Variants in TBC1D25 observed in about 807,000 individuals in gnomAD.
TBC1D25 encodes TBC1 domain family member 25, also known as 5SN3 snoRNA.
Under a neutral mutation model 38.8 loss-of-function variants are expected in TBC1D25, and 13 were observed. That is an observed-to-expected ratio of 0.34 (90% confidence interval 0.22 to 0.53). The LOEUF (loss-of-function observed/expected upper bound fraction) is 0.53, where lower values mean the gene tolerates loss of function less well. Ranked by LOEUF, TBC1D25 falls within the 20% of genes least tolerant of loss-of-function variation. TBC1D25 has a pLI of 0.94. For synonymous variants in TBC1D25, 225 were observed against 255.6 expected (o/e 0.88, Z 1.14); for missense variants, 372 against 600.0 (o/e 0.62, Z 3.97).
At chrX:48,541,236 TG>T in intron 1 of TBC1D25, 96 bp from the exon 2 acceptor site, 1 of 734,135 alleles carries the variant, frequency 1.4e-6, no homozygotes, top group South Asian at 2.1e-5. Flanking sequence ...ATCTGGCCCC[TG>T]GCACCTCTCT....
Position 48,559,768 on chromosome X carries a change from C to G in TBC1D25, c.860C>G (p.Thr287Arg). Reference sequence around the variant, plus strand: ...GAGGACCTGGAATTCATCCGCAGCACGGTCCTCAAGGATGTACTGCGCACT... The same window carrying G: ...GAGGACCTGGAATTCATCCGCAGCAGGGTCCTCAAGGATGTACTGCGCACT... ...NPEDLEFIRS[T>R]VLKDVLRTDR... The change falls in exon 6 of 6, where the codon ACG (threonine) becomes AGG (arginine). Residue 287 changes from threonine (T) to arginine (R), a missense_variant. Physicochemically the swap from Thr to Arg is moderately conservative, Grantham distance 71 (BLOSUM62 -1). Around this residue, in one of 2 missense-constraint regions of TBC1D25, gnomAD observed 312 missense variants for 549.3 expected, o/e 0.57. Coordinates refer to ENST00000376771, the MANE Select transcript of TBC1D25 (RefSeq NM_002536.4). 1 of 1,211,995 alleles carries G rather than the reference C, an allele frequency of 8.3e-7. No individual in the cohort carries two copies. The highest frequency in any genetic ancestry group is 1.1e-6 in the Non-Finnish European group (1 of 895,522).
In TBC1D25 at chrX:48,560,690, A is replaced by T; in HGVS notation, c.1782A>T (p.Gly594=). 1 of 1,211,761 alleles carries T rather than the reference A, an allele frequency of 8.3e-7. No homozygotes were observed. The highest frequency in any genetic ancestry group is 1.7e-5 in the African/African-American group (1 of 57,798). Reference sequence around the variant, plus strand: ...AGGTAGGCTCCCCGAAAGACCCTGGAAAGTCCCTGCCACCTGTACCACCAA... The same window carrying T: ...AGGTAGGCTCCCCGAAAGACCCTGGTAAGTCCCTGCCACCTGTACCACCAA... ...MQEVGSPKDP[G]KSLPPVPPMG... Residue 594 remains glycine (G), a synonymous_variant, in exon 6 of 6, where the codon GGA becomes GGT. Transcript: ENST00000376771.
At chrX:48,545,719 G>A (rs1176824778) in intron 3 of TBC1D25, among the ~76,000 whole-genome samples, 2 of 112,072 alleles carry the variant, frequency 1.8e-5, no homozygotes, top group African/African-American at 6.5e-5. Flanking sequence ...TGTCTTAGTC[G>A]TTTTGTGCTA....
At chrX:48,558,847 G>GGTCT in intron 3 of TBC1D25, 50 bp from the exon 4 acceptor site, 1 of 1,203,930 alleles carries the variant, frequency 8.3e-7, no homozygotes, top group South Asian at 1.8e-5. Context: ...CCGGCCCTGA[G>GGTCT]GTCTGGGTTA....
chrX:48,554,113 G>A (rs1246216072), intron 3 of TBC1D25, among the ~76,000 whole-genome samples: 1 of 109,135 alleles, frequency 9.2e-6, no homozygotes, highest in East Asian at 3.0e-4. Context: ...CCCGGGAGGC[G>A]GAGGTTGCAG....
chrX:48,550,920 A>C (rs1267961050), intron 3 of TBC1D25, among the ~76,000 whole-genome samples: 1 of 111,108 alleles, frequency 9.0e-6, no homozygotes, highest in Non-Finnish European at 1.9e-5. Flanking sequence ...CGGCCTCCCA[A>C]AGTGCTGAGA....
chrX:48,540,865 T>C (rs781990325), intron 1 of TBC1D25, among the ~76,000 whole-genome samples: 1 of 112,060 alleles, frequency 8.9e-6, no homozygotes, highest in South Asian at 3.7e-4. Flanking sequence ...GGAGGGATGT[T>C]CCAGACAGGG....
rs1400070381 is a variant in TBC1D25, at chrX:48,559,754, A to C, written c.846A>C (p.Glu282Asp). Reference protein sequence around the residue: ...WAQRANPEDLEFIRSTVLKDV... With the variant: ...WAQRANPEDLDFIRSTVLKDV... ...AGCGAGCGAACCCTGAGGACCTGGAATTCATCCGCAGCACGGTCCTCAAGG... is the reference window on the plus strand; with the variant it reads ...AGCGAGCGAACCCTGAGGACCTGGACTTCATCCGCAGCACGGTCCTCAAGG... Residue 282 changes from glutamate to aspartate, a missense_variant, in exon 6 of 6, where the codon GAA (glutamate) becomes GAC (aspartate). By Grantham distance (45) the Glu-to-Asp change is conservative. Coordinates refer to ENST00000376771, the MANE Select transcript of TBC1D25 (RefSeq NM_002536.4). The C allele has an allele frequency of 1.7e-6, 2 of 1,210,338 alleles. No homozygotes were observed. Among genetic ancestry groups the C allele is most frequent in the African/African-American group, 3.5e-5 (2 of 57,248 alleles).
Position 48,560,645 on chromosome X carries a change from AGG to A in TBC1D25, c.1738_1739del (p.Gly580IlefsTer61). On this transcript the variant is annotated frameshift_variant, in exon 6 of 6. Coordinates refer to ENST00000376771, the MANE Select transcript of TBC1D25 (RefSeq NM_002536.4). LOFTEE classifies it high-confidence loss of function. ...CCTCTCCCACTGGTGATATGGCTGT[AGG>A]ATCCCCCTTGATGCAAGAGGTAGGC... The part of the protein sequence containing the change: ...EASPTGDMAV[G>X]SPLMQEVGSP... The A allele has an allele frequency of 8.3e-7, 1 of 1,211,227 alleles. No individual in the cohort carries two copies. The highest frequency in any genetic ancestry group is 1.1e-6 in the Non-Finnish European group (1 of 895,233).
Position 48,558,955 on chromosome X carries a change from G to A in TBC1D25, c.447G>A (p.Val149=), listed in dbSNP as rs906826964. 7 of 1,209,797 alleles carry A rather than the reference G, an allele frequency of 5.8e-6. No individual in the cohort carries two copies. In the Admixed American group the frequency reaches 8.8e-5, roughly 15 times the overall value. ...ISPKDVIGSD[V]LLAEKRSSLT... Reference sequence around the variant, plus strand: ...CCAAAGATGTCATTGGCTCCGACGTGTTGCTGGCTGAGAAACGGTCATCAC... The same window carrying A: ...CCAAAGATGTCATTGGCTCCGACGTATTGCTGGCTGAGAAACGGTCATCAC... The change falls in exon 4 of 6, where the codon GTG becomes GTA. Residue 149 remains valine (V), a synonymous_variant. Coordinates refer to ENST00000376771, the MANE Select transcript of TBC1D25 (RefSeq NM_002536.4).
intron 1 of TBC1D25, 46 bp downstream of exon 1, chrX:48,539,966 G>A (rs1011484429): frequency 5.3e-5 from 50 of 943,356 alleles, no homozygotes; most frequent in Middle Eastern, 5.8e-4. Flanking sequence ...CATCCCAGGG[G>A]AGGGGGAGGC....
Position 48,561,125 on chromosome X carries a change from G to T in TBC1D25, c.*150G>T. The T allele has an allele frequency of 1.5e-6, 1 of 659,353 alleles. No homozygotes were observed. The highest frequency in any genetic ancestry group is 2.2e-6 in the Non-Finnish European group (1 of 455,590). The allele number at this position is 659,353 out of a possible 1,213,427, so 54.3% of individuals were successfully genotyped here. A position where few individuals can be genotyped will look rare whatever the true frequency, so the allele number is the denominator to read the frequency against. On this transcript the variant is annotated 3_prime_UTR_variant, in exon 6 of 6. Coordinates refer to ENST00000376771, the MANE Select transcript of TBC1D25 (RefSeq NM_002536.4). ...TCCTCCCCAGGCCTAAGTATGTGGA[G>T]CTCTGCTTTGGCACTGCCCCGCAGA...
intron 3 of TBC1D25, among the ~76,000 whole-genome samples, chrX:48,549,960 T>C (rs2061916096): frequency 9.0e-6 from 1 of 110,841 alleles, no homozygotes; most frequent in Non-Finnish European, 1.9e-5. Flanking sequence ...ATCAAGATAG[T>C]CAATTATGCC....
At chrX:48,551,726 C>T (rs1439508653) in intron 3 of TBC1D25, among the ~76,000 whole-genome samples, 3 of 109,077 alleles carry the variant, frequency 2.8e-5, no homozygotes, top group South Asian at 3.9e-4. Context: ...CAGGTTCAAG[C>T]GATTCTCCTT....
At chrX:48,554,221 C>T (rs940572754) in intron 3 of TBC1D25, among the ~76,000 whole-genome samples, 9 of 107,003 alleles carry the variant, frequency 8.4e-5, no homozygotes, top group African/African-American at 3.4e-5. Flanking sequence ...TGAGCCATTG[C>T]GCCCAGTCTA....
intron 2 of TBC1D25, among the ~76,000 whole-genome samples, chrX:48,544,195 T>G (rs1556981042): frequency 8.9e-6 from 1 of 112,153 alleles, no homozygotes; most frequent in Non-Finnish European, 1.9e-5. Context: ...TTAGTTGTTA[T>G]TAGACTTTCT....
chrX:48,555,892 A>G (rs2061971039), intron 3 of TBC1D25, among the ~76,000 whole-genome samples: 1 of 109,434 alleles, frequency 9.1e-6, no homozygotes, highest in Non-Finnish European at 1.9e-5. Flanking sequence ...ATCTCAGTGT[A>G]GCAAAGAGTA....
At chrX:48,548,696 G>A (rs1556982470) in intron 3 of TBC1D25, among the ~76,000 whole-genome samples, 1 of 111,233 alleles carries the variant, frequency 9.0e-6, no homozygotes, top group African/African-American at 3.3e-5. Flanking sequence ...TTTTTGCCCC[G>A]AGGGAATCGG....
intron 3 of TBC1D25, among the ~76,000 whole-genome samples, chrX:48,556,971 G>A (rs1401704129): frequency 3.7e-5 from 4 of 109,413 alleles, no homozygotes; most frequent in African/African-American, 1.3e-4. Flanking sequence ...GCTCACACCT[G>A]TAATCCCAAC....
Sources: gnomAD v4.1 joint callset for allele counts (sites outside exome capture counted in the v4.1 genomes callset) on GRCh38, gnomAD v4.1.1 for gene constraint, gnomAD v4.1.1 regional missense constraint, MANE v1.5 for transcripts, NCBI Gene and HGNC (gene_info 2026-07-23, HGNC 2026-07-21) for gene names.